Variants in NEB observed in about 807,000 individuals in gnomAD.
NEB encodes the protein nebulin.
A neutral mutation model predicts 952.2 loss-of-function variants in NEB; 512 were observed. The observed-to-expected ratio is 0.54, with a 90% CI of 0.50 to 0.58. The LOEUF (loss-of-function observed/expected upper bound fraction) is 0.58. NEB is among the 20% of genes least tolerant of loss of function. NEB has a pLI of 0.00. For missense variants in NEB, 8,428 were observed against 9,231.1 expected, an observed-to-expected ratio of 0.91 and a Z score of 3.56; for synonymous variants, 2,900 against 3,149.8, an observed-to-expected ratio of 0.92 and a Z score of 2.66.
intron 39 of NEB, 34 bp downstream of exon 39, chr2:151,668,993 C>T: frequency 3.5e-6 from 5 of 1,435,404 alleles, no homozygotes; most frequent in Non-Finnish European, 4.8e-6. Flanking sequence ...GAGAGGCCCG[C>T]ATACGCAATA....
chr2:151,510,568 C>A (rs1016241979), intron 161 of NEB, among the ~76,000 whole-genome samples: 1 of 152,164 alleles, frequency 6.6e-6, no homozygotes, highest in Admixed American at 6.5e-5. Flanking sequence ...GAGTACATTA[C>A]AATAAGATAT....
chr2:151,662,593 G>A (rs908590594), intron 45 of NEB, among the ~76,000 whole-genome samples: 2 of 152,188 alleles, frequency 1.3e-5, no homozygotes, highest in Non-Finnish European at 2.9e-5. Context: ...TTTGTGACTT[G>A]TTTTTCTCAA....
intron 78 of NEB, among the ~76,000 whole-genome samples, chr2:151,611,517 C>A (rs956331042): frequency 6.6e-5 from 10 of 152,150 alleles, no homozygotes; most frequent in African/African-American, 1.9e-4. Context: ...TTGTACTGAG[C>A]ACTCAATTGT....
chr2:151,563,011 CTTTTTTTTTTTTT>C (rs397868741), intron 119 of NEB, among the ~76,000 whole-genome samples: 1,829 of 93,402 alleles, frequency 0.02, 60 homozygotes, highest in African/African-American at 0.067. Flanking sequence ...AATTTCCCAT[CTTTTTTTTTTTTT>C]TTTTTTTTGA....
intron 6 of NEB, 142 bp downstream of exon 6, chr2:151,725,311 T>C (rs2099787178): frequency 1.4e-6 from 1 of 721,344 alleles, no homozygotes. Context: ...ACATGATCTA[T>C]GGTTCATGCT....
At position 151,643,961 on chromosome 2, in the gene NEB, C is replaced by A; in HGVS notation, c.7813G>T (p.Asp2605Tyr). The A allele has an allele frequency of 6.2e-7, 1 of 1,613,970 alleles. No individual in the cohort carries two copies. Among genetic ancestry groups the A allele is most frequent in the Non-Finnish European group, 8.5e-7 (1 of 1,179,874 alleles). The change falls in exon 57 of 182, where the codon GAC becomes TAC. Residue 2605 changes from aspartate (D) to tyrosine (Y), a missense_variant. Physicochemically the swap from Asp to Tyr is radical, Grantham distance 160. Around this residue, in one of 11 missense-constraint regions of NEB, gnomAD observed 1,772 missense variants for 1,960.3 expected, o/e 0.90. Transcript: ENST00000397345. Reference sequence around the variant, plus strand: ...TTGGCCAACACCACCCCCAGCATGTCCACTGGGCTGCTGAACTTGGTCTTC... The same window carrying A: ...TTGGCCAACACCACCCCCAGCATGTACACTGGGCTGCTGAACTTGGTCTTC... ...KWKTKFSSPV[D>Y]MLGVVLAKKC...
At chr2:151,681,904 C>T (rs1559193331) in intron 29 of NEB, among the ~76,000 whole-genome samples, 1 of 152,000 alleles carries the variant, frequency 6.6e-6, no homozygotes. Context: ...TTCATAATCA[C>T]AAAAAAATAG....
At chr2:151,513,533 G>A (rs2075950277) in intron 160 of NEB, 47 bp downstream of exon 160, 5 of 1,396,286 alleles carry the variant, frequency 3.6e-6, no homozygotes, top group Non-Finnish European at 5.0e-6. Flanking sequence ...TGTCCTTAAA[G>A]TTACAACTAC....
chr2:151,618,228 G>A, intron 74 of NEB, 47 bp downstream of exon 74: 1 of 1,515,098 alleles, frequency 6.6e-7, no homozygotes, highest in South Asian at 1.1e-5. Flanking sequence ...TTTTTAAATT[G>A]TTCTGTGGTA....
chr2:151,538,646 A>G (rs1018267206), intron 138 of NEB, among the ~76,000 whole-genome samples: 1 of 151,376 alleles, frequency 6.6e-6, no homozygotes, highest in African/African-American at 2.4e-5. Flanking sequence ...ATTTGAGAGA[A>G]AAAAAAAACC....
chr2:151,699,307 A>G (rs1576812515), intron 13 of NEB, among the ~76,000 whole-genome samples: 3 of 34,936 alleles, frequency 8.6e-5, no homozygotes, highest in Non-Finnish European at 1.5e-4. Context: ...ATTGTGAATA[A>G]TGCCGCAATA....
chr2:151,501,402 T>A lies in NEB; in HGVS notation c.24010A>T (p.Asn8004Tyr). Residue 8004 changes from asparagine (N) to tyrosine (Y), a missense_variant, in exon 168 of 182, where the codon AAC becomes TAC. Asn to Tyr is a moderately radical substitution (Grantham distance 143). Around this residue, in one of 11 missense-constraint regions of NEB, gnomAD observed 3,374 missense variants for 3,651.5 expected, o/e 0.92. Transcript: ENST00000397345. ...EMERVKLNQE[N>Y]FSSVLYKENV... ...TTTCTCCCAAATACCGAGCTAAAGT[T>A]TTCTTGATTGAGTTTGACTCGCTCC... The A allele has an allele frequency of 6.5e-7, 1 of 1,548,856 alleles. No homozygotes were observed. The highest frequency in any genetic ancestry group is 8.7e-7 in the Non-Finnish European group (1 of 1,144,942).
intron 181 of NEB, 43 bp from the exon 182 acceptor site, chr2:151,485,976 T>G (rs1440671459): frequency 6.3e-7 from 1 of 1,581,928 alleles, no homozygotes. Context: ...TATGTTGGAT[T>G]TGCAACAGTT....
rs1026503983 is a variant in NEB, at chr2:151,677,561, T to G, written c.3774+4A>C. 4.3e-6 allele frequency: 7 copies of G among 1,610,464 alleles called. No individual in the cohort carries two copies. Among genetic ancestry groups the G allele is most frequent in the Non-Finnish European group, 5.9e-6 (7 of 1,177,090 alleles). Reference sequence around the variant, plus strand: ...CTCTGTCCTCTCTATTTTATTGTACTCACATCACTGACTTGCTTCGTGTTC... The same window carrying G: ...CTCTGTCCTCTCTATTTTATTGTACGCACATCACTGACTTGCTTCGTGTTC... On this transcript the variant is annotated splice_donor_region_variant and intron_variant, in intron 34 of 181. Transcript: ENST00000397345.
At chr2:151,565,689 G>A (rs754783982) in intron 115 of NEB, 27 bp downstream of exon 115, 3 of 1,595,536 alleles carry the variant, frequency 1.9e-6, no homozygotes, top group Non-Finnish European at 2.6e-6. Context: ...ACAGGCATAG[G>A]TTAGAAGGAG....
chr2:151,669,365 G>C (rs1218080628), intron 38 of NEB, among the ~76,000 whole-genome samples: 3 of 152,164 alleles, frequency 2.0e-5, no homozygotes, highest in Non-Finnish European at 2.9e-5. Flanking sequence ...GTTTAAAGAG[G>C]TGAGGAAGGC....
intron 154 of NEB, among the ~76,000 whole-genome samples, chr2:151,519,292 C>A (rs1046568412): frequency 3.9e-5 from 6 of 152,048 alleles, no homozygotes; most frequent in Admixed American, 6.6e-5. Context: ...TATTATTTAG[C>A]CATAAAAGGA....
rs3821324 is a variant in NEB, at chr2:151,485,796, G to A, written c.25542C>T (p.Thr8514=). 2,718 of 1,612,818 alleles carry A rather than the reference G, an allele frequency of 1.7e-3. 41 individuals are homozygous for A. In the East Asian group the frequency reaches 0.033, roughly 19 times the overall value. ...MYGTVQRTGR[T]GMLPANYVEA... is the part of the protein sequence containing the mutation. ...CAACGTAGTTGGCTGGGAGCATTCC[G>A]GTCCTGCCAGTCCTCTGCACAGTGC... Residue 8514 remains threonine (T), a synonymous_variant, in exon 182 of 182, where the codon ACC becomes ACT. Coordinates refer to ENST00000397345, the MANE Select transcript of NEB (RefSeq NM_001164508.2).
At chr2:151,680,991 G>T (rs750212562) in intron 29 of NEB, among the ~76,000 whole-genome samples, 163 bp from the exon 30 acceptor site, 3 of 152,190 alleles carry the variant, frequency 2.0e-5, no homozygotes, top group Non-Finnish European at 4.4e-5. Context: ...CAATACAAAA[G>T]TCAATATCTT....
Sources: gnomAD v4.1 joint callset for allele counts (sites outside exome capture counted in the v4.1 genomes callset) on GRCh38, gnomAD v4.1.1 for gene constraint, gnomAD v4.1.1 regional missense constraint, MANE v1.5 for transcripts, NCBI Gene and HGNC (gene_info 2026-07-23, HGNC 2026-07-21) for gene names.